The following PCDHGA9 variants were observed in gnomAD, a reference collection of about 807,000 sequenced individuals.
PCDHGA9 encodes protocadherin gamma-A9.
PCDHGA9 carries 37 observed loss-of-function variants against 62.5 expected under a neutral mutation model. The observed-to-expected ratio is 0.59, with a 90% CI of 0.46 to 0.78. The LOEUF (loss-of-function observed/expected upper bound fraction) is 0.78, where lower values mean the gene tolerates loss of function less well. PCDHGA9 is among the 30% of genes least tolerant of loss of function. The probability of loss-of-function intolerance (pLI) is 0.00; values close to 1 mark genes in which losing one functional copy is unlikely to be tolerated. For missense variants in PCDHGA9, 1,138 were observed against 1,166.2 expected (o/e 0.98, Z 0.35); for synonymous variants, 459 against 484.6 (o/e 0.95, Z 0.69).
chr5:141,423,758 G>GGT (rs138224377), intron 1 of PCDHGA9: 10 of 366,772 alleles, frequency 2.7e-5, no homozygotes, highest in Non-Finnish European at 1.5e-5. Flanking sequence ...TTTGGGGGGG[G>GGT]GGTGGGGCGG....
At position 141,409,469 on chromosome 5, in the gene PCDHGA9, G is replaced by A. The variant is rs1477896340; in HGVS notation, c.2424+4093G>A. On this transcript the variant is annotated intron_variant, in intron 1 of 3. Coordinates refer to ENST00000573521, the MANE Select transcript of PCDHGA9 (RefSeq NM_018921.3). ...GACACCAGAATACAATGTCACCATC[G>A]TAGCCACTGACAGGGGCAAGCCGCC... 9 of 1,613,740 alleles carry A rather than the reference G, an allele frequency of 5.6e-6. No individual in the cohort carries two copies. The African/African-American group carries it at 1.1e-4, about 19-fold the overall frequency.
rs547410815 is a variant in PCDHGA9 at position 141,418,658 on chromosome 5, A to T, written c.2424+13282A>T. ...CACCTCCATCCTGAGAGTGAAGGCC[A>T]CTGACCAGGACGAGGGCATCAACTC... is the stretch of plus-strand genomic sequence containing the variant. On this transcript the variant is annotated intron_variant, in intron 1 of 3. Transcript: ENST00000573521. 2.6e-4 allele frequency: 419 copies of T among 1,614,030 alleles called. 6 individuals carry two copies. The South Asian group carries it at 4.2e-3, about 16-fold the overall frequency.
At chr5:141,475,059 G>T (rs2099358742) in intron 1 of PCDHGA9, among the ~76,000 whole-genome samples, 1 of 152,180 alleles carries the variant, frequency 6.6e-6, no homozygotes, top group South Asian at 2.1e-4. Flanking sequence ...AAAGATTTGT[G>T]GAGCTTTGCT....
chr5:141,503,671 A>G (rs1028896082), intron 2 of PCDHGA9, among the ~76,000 whole-genome samples: 2 of 151,950 alleles, frequency 1.3e-5, no homozygotes, highest in Non-Finnish European at 2.9e-5. Flanking sequence ...AACTCTTCCC[A>G]CTTTTGGGAA....
chr5:141,471,006 T>A (rs560578929), intron 1 of PCDHGA9, among the ~76,000 whole-genome samples: 57 of 150,804 alleles, frequency 3.8e-4, no homozygotes, highest in African/African-American at 1.3e-3. Context: ...CATGAGCCAC[T>A]GTGCCTGGTC....
At chr5:141,413,488 C>G in intron 1 of PCDHGA9, 1 of 1,613,986 alleles carries the variant, frequency 6.2e-7, no homozygotes, top group Non-Finnish European at 8.5e-7. Context: ...TCAGAGCGCG[C>G]GGTGCGTGGT....
intron 1 of PCDHGA9, among the ~76,000 whole-genome samples, chr5:141,473,922 A>T (rs1025156251): frequency 2.0e-5 from 3 of 152,182 alleles, no homozygotes; most frequent in South Asian, 2.1e-4. Flanking sequence ...GAAAACTATG[A>T]GCTGGGTGCA....
intron 1 of PCDHGA9, among the ~76,000 whole-genome samples, chr5:141,492,539 G>A (rs1474928199): frequency 1.3e-5 from 2 of 152,200 alleles, no homozygotes; most frequent in African/African-American, 2.4e-5. Context: ...GCCCCGGGCT[G>A]GGCCGGGTCG....
intron 1 of PCDHGA9, among the ~76,000 whole-genome samples, chr5:141,460,753 A>ATATACATATTGCATATGTATG (rs1435827019): frequency 4.6e-5 from 7 of 152,094 alleles, no homozygotes; most frequent in Non-Finnish European, 1.0e-4. Flanking sequence ...ATATGTGTAC[A>ATATACATATTGCATATGTATG]TATACATATT....
intron 1 of PCDHGA9, among the ~76,000 whole-genome samples, chr5:141,425,819 A>C (rs1183860957): frequency 6.6e-6 from 1 of 152,246 alleles, no homozygotes; most frequent in Non-Finnish European, 1.5e-5. Flanking sequence ...TTAGAAAAAA[A>C]CAAACTTTTA....
Position 141,411,472 on chromosome 5 carries a change from T to G in PCDHGA9, c.2424+6096T>G, listed in dbSNP as rs546914871. ...GGTAGCATTCCCCTGTGGTCCCAGC[T>G]ACTTGGGAGGCTGAGCTGGGTGGAT... On this transcript the variant is annotated intron_variant, in intron 1 of 3. Coordinates refer to ENST00000573521, the MANE Select transcript of PCDHGA9 (RefSeq NM_018921.3). 2.6e-5 allele frequency: 4 copies of G among 151,948 alleles called. 1 individual carries two copies. The South Asian group carries it at 8.3e-4, about 32-fold the overall frequency. The allele number at this position is 151,948 out of a possible 1,614,324, so 9.4% of individuals were successfully genotyped here.
chr5:141,420,364 A>G (rs942479456), intron 1 of PCDHGA9: 8 of 1,368,440 alleles, frequency 5.8e-6, no homozygotes, highest in African/African-American at 3.0e-5. Flanking sequence ...ATTCTAGATA[A>G]CTTCTTCATA....
At position 141,491,910 on chromosome 5, in the gene PCDHGA9, G is replaced by T. The variant is rs946745903; in HGVS notation, c.2425-2897G>T. On this transcript the variant is annotated intron_variant, in intron 1 of 3. Coordinates refer to ENST00000573521, the MANE Select transcript of PCDHGA9 (RefSeq NM_018921.3). This position sits in a 1 kb window ranked among gnomAD's most constrained non-coding sequence, Gnocchi z 6.9. ...GGCTCCGAGCACCGGGGGTGGTGGC[G>T]ACTGTGGGCGAGGGGAGGTGGGACC... 3.6e-6 allele frequency: 5 copies of T among 1,406,946 alleles called. No individual in the cohort carries two copies. Among genetic ancestry groups the T allele is most frequent in the Non-Finnish European group, 4.7e-6 (5 of 1,059,702 alleles). 87.2% of individuals were successfully genotyped at this position (1,406,946 alleles called of 1,614,324 possible).
In PCDHGA9 at chr5:141,402,919, G is replaced by T; in HGVS notation, c.-34G>T. On this transcript the variant is annotated 5_prime_UTR_variant, in exon 1 of 4. Coordinates refer to ENST00000573521, the MANE Select transcript of PCDHGA9 (RefSeq NM_018921.3). The stretch of plus-strand genomic sequence containing the variant: ...AACCTGATGAAGCAGCGCGCACAGA[G>T]ATCCTTTTGAGAAAATTCCAAAGCG... 6.4e-7 allele frequency: 1 copy of T among 1,572,640 alleles called. No individual in the cohort carries two copies. Among genetic ancestry groups the T allele is most frequent in the Non-Finnish European group, 8.6e-7 (1 of 1,159,030 alleles).
In PCDHGA9 at chr5:141,511,352, C is replaced by A. The variant is rs2099883742; in HGVS notation, c.*179C>A. The A allele has an allele frequency of 3.6e-6, 5 of 1,381,248 alleles. No homozygotes were observed. The highest frequency in any genetic ancestry group is 2.7e-4 in the Middle Eastern group (1 of 3,772). 85.6% of individuals were successfully genotyped at this position (1,381,248 alleles called of 1,614,324 possible). ...CAGTCAGCACCTACCCCTTCCCCCCCAGGGGGTTGAATATGCAAAAGCAGT... is the reference window on the plus strand; with the variant it reads ...CAGTCAGCACCTACCCCTTCCCCCCAAGGGGGTTGAATATGCAAAAGCAGT... On this transcript the variant is annotated 3_prime_UTR_variant, in exon 4 of 4. Coordinates refer to ENST00000573521, the MANE Select transcript of PCDHGA9 (RefSeq NM_018921.3).
chr5:141,470,969 A>T (rs62379203), intron 1 of PCDHGA9, among the ~76,000 whole-genome samples: 1 of 151,298 alleles, frequency 6.6e-6, no homozygotes, highest in Non-Finnish European at 1.5e-5. Flanking sequence ...CTCCCACCTC[A>T]GCCTCCCAAA....
intron 1 of PCDHGA9, among the ~76,000 whole-genome samples, chr5:141,473,343 T>C (rs1309426537): frequency 6.6e-6 from 1 of 152,218 alleles, no homozygotes; most frequent in Non-Finnish European, 1.5e-5. Flanking sequence ...TGCTAGACAG[T>C]GAGGATGCAA....
rs2094516146 is a variant in PCDHGA9 at position 141,404,341 on chromosome 5, A to C, written c.1389A>C (p.Glu463Asp). ...SQASYSVYLP[E>D]NNARGTSIFS... ...CCTCCTACTCAGTCTACCTCCCGGAAAACAACGCCAGAGGTACTTCCATCT... is the reference window on the plus strand; with the variant it reads ...CCTCCTACTCAGTCTACCTCCCGGACAACAACGCCAGAGGTACTTCCATCT... Residue 463 changes from glutamate to aspartate, a missense_variant, in exon 1 of 4, where the codon GAA (glutamate) becomes GAC (aspartate). Physicochemically the swap from Glu to Asp is conservative, Grantham distance 45. Coordinates refer to ENST00000573521, the MANE Select transcript of PCDHGA9 (RefSeq NM_018921.3). 5 of 1,613,966 alleles carry C rather than the reference A, an allele frequency of 3.1e-6. No homozygotes were observed. Among genetic ancestry groups the C allele is most frequent in the Non-Finnish European group, 4.2e-6 (5 of 1,179,872 alleles).
Position 141,404,094 on chromosome 5 carries a change from A to C in PCDHGA9, c.1142A>C (p.Gln381Pro). The change falls in exon 1 of 4, where the codon CAA becomes CCA. Residue 381 changes from glutamine to proline, a missense_variant. Coordinates refer to ENST00000573521, the MANE Select transcript of PCDHGA9 (RefSeq NM_018921.3). ...AHDRDSGKNG[Q>P]VVCSIQENLS... is the part of the protein sequence containing the mutation. ...GACCGAGACTCCGGGAAGAATGGTC[A>C]AGTTGTCTGTTCTATCCAGGAGAAT... The C allele has an allele frequency of 6.2e-7, 1 of 1,613,620 alleles. No homozygotes were observed. The highest frequency in any genetic ancestry group is 1.1e-5 in the South Asian group (1 of 91,070).
Sources: allele counts gnomAD v4.1 joint callset (sites outside exome capture counted in the v4.1 genomes callset), GRCh38; gene constraint gnomAD v4.1.1; non-coding constraint Gnocchi (gnomAD v3.1); transcripts MANE v1.5; gene names NCBI Gene and HGNC (gene_info 2026-07-23, HGNC 2026-07-21).